DLGAP2: variants seen among roughly 807,000 people sequenced by gnomAD.
DLGAP2 encodes DLG associated protein 2.
In DLGAP2, 26 loss-of-function variants were observed where a neutral mutation model predicts 100.3. The ratio of observed to expected loss-of-function variants is 0.26; its 90% CI spans 0.19 to 0.36. DLGAP2 has a LOEUF of 0.36. Among genes scored for constraint, DLGAP2 ranks in the 10% least tolerant of loss-of-function variants. DLGAP2 has a pLI of 1.00. For missense variants in DLGAP2, 1,858 were observed against 1,453.2 expected, an observed-to-expected ratio of 1.28 and a Z score of -4.53; for synonymous variants, 886 against 630.1, an observed-to-expected ratio of 1.41 and a Z score of -6.08.
At chr8:1,231,649 C>A (rs1198701757) in intron 2 of DLGAP2, among the ~76,000 whole-genome samples, 1 of 152,138 alleles carries the variant, frequency 6.6e-6, no homozygotes, top group Non-Finnish European at 1.5e-5. Context: ...ACTGCATAGC[C>A]ATAAAAAGAA....
chr8:1,098,231 C>T (rs1804454763), intron 2 of DLGAP2, among the ~76,000 whole-genome samples: 1 of 152,250 alleles, frequency 6.6e-6, no homozygotes, highest in Non-Finnish European at 1.5e-5. Flanking sequence ...CCTCCGCACA[C>T]CAGTTTGTTT....
At chr8:1,280,424 G>T (rs753628751) in intron 3 of DLGAP2, among the ~76,000 whole-genome samples, 2 of 152,154 alleles carry the variant, frequency 1.3e-5, no homozygotes, top group Non-Finnish European at 2.9e-5. Flanking sequence ...AATATCTACT[G>T]ATTTTCCCTG....
Position 1,481,875 on chromosome 8 carries a change from C to T in DLGAP2, c.107-19491C>T, listed in dbSNP as rs111528980. On this transcript the variant is annotated intron_variant, in intron 3 of 14. Transcript: ENST00000637795. ...GAAAACTAAACTCATGTCAGGGCAC[C>T]CAGTGGGTTGATCATGTCTCAGGCT... 1.5e-3 allele frequency among the ~76,000 whole-genome samples: 222 copies of T among 152,262 alleles called. 1 individual carries two copies. Among genetic ancestry groups the T allele is most frequent in the African/African-American group, 5.1e-3 (210 of 41,550 alleles).
At chr8:1,617,526 G>A (rs1365325178) in intron 6 of DLGAP2, among the ~76,000 whole-genome samples, 3 of 152,102 alleles carry the variant, frequency 2.0e-5, no homozygotes, top group South Asian at 2.1e-4. Flanking sequence ...GTATGTCTTC[G>A]TTTGAAAAGT....
intron 1 of DLGAP2, among the ~76,000 whole-genome samples, chr8:847,061 T>C (rs2128986744): frequency 6.6e-6 from 1 of 152,338 alleles, no homozygotes; most frequent in East Asian, 1.9e-4. Context: ...TTGGAATTCT[T>C]TTACCTTACA....
chr8:1,328,124 C>T lies in DLGAP2; in HGVS notation c.106+69241C>T, dbSNP rs947976263. On this transcript the variant is annotated intron_variant, in intron 3 of 14. Transcript: ENST00000637795. Reference sequence around the variant, plus strand: ...GTGTGATCTCAGCTCACTGCATACTCCACCTCCCAGGTTCAAGCTATTCTC... The same window carrying T: ...GTGTGATCTCAGCTCACTGCATACTTCACCTCCCAGGTTCAAGCTATTCTC... Among the ~76,000 whole-genome samples, 3 of 151,992 alleles carry T rather than the reference C, an allele frequency of 2.0e-5. No individual in the cohort carries two copies. The South Asian group carries it at 6.2e-4, about 32-fold the overall frequency.
chr8:1,550,655 G>A (rs1216662461), intron 5 of DLGAP2, among the ~76,000 whole-genome samples: 2 of 152,182 alleles, frequency 1.3e-5, no homozygotes, highest in Non-Finnish European at 2.9e-5. Flanking sequence ...TGGATTAAAT[G>A]AATTTACCAA....
intron 3 of DLGAP2, among the ~76,000 whole-genome samples, chr8:1,371,561 A>G (rs1802237750): frequency 6.6e-6 from 1 of 152,172 alleles, no homozygotes; most frequent in Non-Finnish European, 1.5e-5. Flanking sequence ...GAACTCTATT[A>G]TCCTCTCACT....
intron 3 of DLGAP2, among the ~76,000 whole-genome samples, chr8:1,374,628 C>T (rs1396223330): frequency 2.0e-5 from 3 of 152,236 alleles, no homozygotes; most frequent in Non-Finnish European, 4.4e-5. Context: ...GAATCTGCCT[C>T]AATGTAGGAG....
chr8:899,670 A>T (rs916587054), intron 1 of DLGAP2, among the ~76,000 whole-genome samples: 4 of 152,208 alleles, frequency 2.6e-5, no homozygotes, highest in African/African-American at 4.8e-5. Flanking sequence ...ATCTCATCTC[A>T]TAGCTTGTAA....
chr8:955,868 C>T (rs1037021626), intron 2 of DLGAP2, among the ~76,000 whole-genome samples: 1 of 152,178 alleles, frequency 6.6e-6, no homozygotes, highest in Non-Finnish European at 1.5e-5. Flanking sequence ...TTCCTGGGAA[C>T]AACAAGGGGT....
chr8:1,520,300 G>A (rs543204287), intron 4 of DLGAP2, among the ~76,000 whole-genome samples: 80 of 152,288 alleles, frequency 5.3e-4, no homozygotes, highest in South Asian at 4.1e-4. Flanking sequence ...GGAGGGGAGC[G>A]ATGCAATCGG....
intron 2 of DLGAP2, among the ~76,000 whole-genome samples, chr8:964,253 ACT>A (rs1168009006): frequency 1.3e-5 from 2 of 152,068 alleles, no homozygotes; most frequent in African/African-American, 4.8e-5. Flanking sequence ...GTCTAGGTGG[ACT>A]CTCTGTTTAT....
intron 6 of DLGAP2, among the ~76,000 whole-genome samples, chr8:1,608,223 TCCCTGAC>T (rs1449976762): frequency 8.0e-6 from 1 of 125,644 alleles, no homozygotes; most frequent in African/African-American, 2.8e-5. Context: ...CTCAAGTGGG[TCCCTGAC>T]CCCTGACCCC....
chr8:1,675,408 T>A (rs1225290828), intron 10 of DLGAP2, among the ~76,000 whole-genome samples: 2 of 152,228 alleles, frequency 1.3e-5, no homozygotes, highest in Non-Finnish European at 2.9e-5. Flanking sequence ...GGAGTACACG[T>A]GATAACGCTG....
chr8:1,287,186 G>A (rs1417587667), intron 3 of DLGAP2, among the ~76,000 whole-genome samples: 2 of 132,196 alleles, frequency 1.5e-5, no homozygotes, highest in Admixed American at 7.8e-5. Context: ...CTGTTAGGAG[G>A]GGAACTAGTT....
intron 3 of DLGAP2, among the ~76,000 whole-genome samples, chr8:1,317,974 G>GTCTACAAA (rs1212914503): frequency 9.8e-4 from 37 of 37,836 alleles, no homozygotes; most frequent in South Asian, 1.9e-3. Context: ...CTCTCCAACA[G>GTCTACAAA]TGGTCTACAC....
chr8:1,684,509 A>G (rs1361978122), intron 12 of DLGAP2, among the ~76,000 whole-genome samples: 1 of 152,092 alleles, frequency 6.6e-6, no homozygotes, highest in East Asian at 1.9e-4. Flanking sequence ...TGAATATTGA[A>G]ATTTCCATTA....
chr8:1,581,294 C>G (rs1056958874), intron 6 of DLGAP2, among the ~76,000 whole-genome samples: 11 of 150,356 alleles, frequency 7.3e-5, no homozygotes, highest in Admixed American at 5.3e-4. Context: ...AGACAAAACC[C>G]CACACACATC....
Sources: allele counts gnomAD v4.1 joint callset (sites outside exome capture counted in the v4.1 genomes callset), GRCh38; gene constraint gnomAD v4.1.1; transcripts MANE v1.5; gene names NCBI Gene and HGNC (gene_info 2026-07-23, HGNC 2026-07-21).